Variants in MAP3K9 observed in about 807,000 individuals in gnomAD.
MAP3K9 encodes the protein mixed lineage kinase 1 (tyr and ser/thr specificity).
A neutral mutation model predicts 95.8 loss-of-function variants in MAP3K9; 46 were observed. The ratio of observed to expected loss-of-function variants is 0.48; its 90% CI spans 0.38 to 0.61. MAP3K9 has a LOEUF of 0.61. MAP3K9 is among the 20% of genes least tolerant of loss of function. The pLI, the probability that MAP3K9 is intolerant of heterozygous loss-of-function variation, is 0.00. For missense variants in MAP3K9, 1,296 were observed against 1,474.3 expected (o/e 0.88, Z 1.98); for synonymous variants, 533 against 593.8 (o/e 0.90, Z 1.49).
intron 2 of MAP3K9, among the ~76,000 whole-genome samples, chr14:70,768,566 A>G (rs1005481547): frequency 1.1e-4 from 17 of 152,142 alleles, no homozygotes; most frequent in Non-Finnish European, 2.1e-4. Flanking sequence ...AAAAAGCTGA[A>G]TGACTTTCTT....
At chr14:70,763,565 C>G (rs1342850704) in intron 2 of MAP3K9, among the ~76,000 whole-genome samples, 1 of 151,126 alleles carries the variant, frequency 6.6e-6, no homozygotes, top group Non-Finnish European at 1.5e-5. Context: ...AGGTCTCACT[C>G]TGTCATTCAG....
chr14:70,732,652 G>C lies in MAP3K9; in HGVS notation c.2717C>G (p.Pro906Arg). ...CCGCCGGTGACTGCTGGGCTGCGAG[G>C]GGGTGGTGAGGGTGACATGGGTGGG... The part of the protein sequence containing the change: ...LTPTHVTLTT[P>R]SQPSSHRRTP... The change falls in exon 11 of 12, where the codon CCC becomes CGC. Residue 906 changes from proline (P) to arginine (R), a missense_variant. Around this residue, in one of 5 missense-constraint regions of MAP3K9, gnomAD observed 433 missense variants for 441.4 expected, o/e 0.98. Coordinates refer to ENST00000554752, the MANE Select transcript of MAP3K9 (RefSeq NM_001284230.2). 28 of 1,605,430 alleles carry C rather than the reference G, an allele frequency of 1.7e-5. No homozygotes were observed. The highest frequency in any genetic ancestry group is 2.2e-5 in the Non-Finnish European group (26 of 1,175,080).
Position 70,748,965 on chromosome 14 carries a change from G to A in MAP3K9, c.1190C>T (p.Thr397Met), listed in dbSNP as rs776638628. The A allele has an allele frequency of 8.7e-6, 14 of 1,613,948 alleles. No individual in the cohort carries two copies. Among genetic ancestry groups the A allele is most frequent in the African/African-American group, 1.3e-5 (1 of 75,022 alleles). The change falls in exon 5 of 12, where the codon ACG becomes ATG. Residue 397 changes from threonine (T) to methionine (M), a missense_variant. Thr to Met is a moderately conservative substitution (Grantham distance 81). Transcript: ENST00000554752. Reference sequence around the variant, plus strand: ...GGTGGTTAGCTGGTCCAGGATATTCGTGAAAGATGGTCGTGAGTGGGGATC... The same window carrying A: ...GGTGGTTAGCTGGTCCAGGATATTCATGAAAGATGGTCGTGAGTGGGGATC... ...NPDPHSRPSF[T>M]NILDQLTTIE...
At chr14:70,800,342 T>C (rs1471096812) in intron 2 of MAP3K9, among the ~76,000 whole-genome samples, 2 of 151,386 alleles carry the variant, frequency 1.3e-5, no homozygotes, top group Non-Finnish European at 2.9e-5. Flanking sequence ...TGTGATAATA[T>C]TCACACTTCC....
chr14:70,777,981 C>G (rs1184019143), intron 2 of MAP3K9, among the ~76,000 whole-genome samples: 1 of 152,108 alleles, frequency 6.6e-6, no homozygotes, highest in Non-Finnish European at 1.5e-5. Flanking sequence ...AAAAGGTCGA[C>G]AGTCACCTAC....
chr14:70,808,712 GC>G, intron 1 of MAP3K9, 53 bp downstream of exon 1: 9 of 325,868 alleles, frequency 2.8e-5, no homozygotes, highest in Non-Finnish European at 2.6e-5. Context: ...TTCCCCGACC[GC>G]CCCCCAGGCC....
At chr14:70,766,131 T>G (rs1261203103) in intron 2 of MAP3K9, among the ~76,000 whole-genome samples, 3 of 151,866 alleles carry the variant, frequency 2.0e-5, no homozygotes, top group Non-Finnish European at 2.9e-5. Flanking sequence ...ATTGGGAAGT[T>G]GAGAGAAAAA....
intron 7 of MAP3K9, chr14:70,739,811 C>T (rs2054042093): frequency 7.4e-7 from 1 of 1,351,736 alleles, no homozygotes; most frequent in East Asian, 2.5e-5. Flanking sequence ...CCCACAAATC[C>T]CTTTGCTGAT....
chr14:70,730,923 A>G, intron 11 of MAP3K9, 59 bp from the exon 12 acceptor site: 16 of 1,514,882 alleles, frequency 1.1e-5, no homozygotes, highest in Non-Finnish European at 1.4e-5. Context: ...GGGGTTAGAT[A>G]TCCGCTACTC....
chr14:70,748,405 T>G (rs956502615), intron 5 of MAP3K9, among the ~76,000 whole-genome samples: 2 of 152,184 alleles, frequency 1.3e-5, no homozygotes, highest in Non-Finnish European at 2.9e-5. Flanking sequence ...CCACACAATT[T>G]CAGACCCATG....
chr14:70,805,725 C>A (rs1318586578), intron 1 of MAP3K9, among the ~76,000 whole-genome samples: 1 of 152,088 alleles, frequency 6.6e-6, no homozygotes, highest in Non-Finnish European at 1.5e-5. Flanking sequence ...TTGAAACCAG[C>A]CTGGGCAACA....
intron 2 of MAP3K9, among the ~76,000 whole-genome samples, chr14:70,774,646 G>A (rs895750840): frequency 6.6e-6 from 1 of 150,950 alleles, no homozygotes; most frequent in Non-Finnish European, 1.5e-5. Flanking sequence ...TCTAGCCTGC[G>A]TGACAGAGAG....
At chr14:70,760,268 G>A (rs1377558994) in intron 3 of MAP3K9, among the ~76,000 whole-genome samples, 1 of 151,846 alleles carries the variant, frequency 6.6e-6, no homozygotes, top group Non-Finnish European at 1.5e-5. Context: ...CTAAGGTGAT[G>A]CTACTGTCCC....
At chr14:70,744,695 C>T (rs1201269518) in intron 5 of MAP3K9, among the ~76,000 whole-genome samples, 1 of 152,200 alleles carries the variant, frequency 6.6e-6, no homozygotes, top group African/African-American at 2.4e-5. Context: ...GCTGCTCTAT[C>T]ACACTCCCCT....
At chr14:70,803,393 T>C (rs1353057447) in intron 1 of MAP3K9, among the ~76,000 whole-genome samples, 1 of 55,714 alleles carries the variant, frequency 1.8e-5, no homozygotes, top group Non-Finnish European at 3.9e-5. Flanking sequence ...CTGAAACAAA[T>C]ACAGAAAATA....
intron 2 of MAP3K9, among the ~76,000 whole-genome samples, chr14:70,790,869 C>T (rs770526280): frequency 5.3e-5 from 8 of 152,170 alleles, no homozygotes; most frequent in Non-Finnish European, 1.2e-4. Context: ...ATAAGTGACC[C>T]TGAGCTACAT....
chr14:70,762,969 T>C (rs1271383637), intron 2 of MAP3K9, among the ~76,000 whole-genome samples: 1 of 150,730 alleles, frequency 6.6e-6, no homozygotes, highest in Non-Finnish European at 1.5e-5. Context: ...CGCAGCCCCA[T>C]TTGTTTAAAG....
intron 2 of MAP3K9, among the ~76,000 whole-genome samples, chr14:70,776,986 A>C (rs2054607659): frequency 6.6e-6 from 1 of 151,912 alleles, no homozygotes; most frequent in South Asian, 2.1e-4. Context: ...GCCTGCCACC[A>C]CACCCGGCTA....
intron 3 of MAP3K9, among the ~76,000 whole-genome samples, chr14:70,756,960 T>C (rs1442685452): frequency 6.6e-6 from 1 of 152,226 alleles, no homozygotes; most frequent in African/African-American, 2.4e-5. Context: ...ATATCAAAAA[T>C]AGTTGAATAT....
Sources: gnomAD v4.1 joint callset for allele counts (sites outside exome capture counted in the v4.1 genomes callset) on GRCh38, gnomAD v4.1.1 for gene constraint, gnomAD v4.1.1 regional missense constraint, MANE v1.5 for transcripts, NCBI Gene and HGNC (gene_info 2026-07-23, HGNC 2026-07-21) for gene names.